The following TWF1 variants were observed in gnomAD, a reference collection of about 807,000 sequenced individuals.
TWF1 encodes the protein twinfilin-1.
A neutral mutation model predicts 47.9 loss-of-function variants in TWF1; 14 were observed. That is an observed-to-expected ratio of 0.29 (90% confidence interval 0.19 to 0.46). The LOEUF (loss-of-function observed/expected upper bound fraction) is 0.46. Among genes scored for constraint, TWF1 ranks in the 20% least tolerant of loss-of-function variants. The pLI, the probability that TWF1 is intolerant of heterozygous loss-of-function variation, is 1.00. For synonymous variants in TWF1, 96 were observed against 139.2 expected (o/e 0.69, Z 2.18); for missense variants, 281 against 409.3 (o/e 0.69, Z 2.70).
intron 2 of TWF1, among the ~76,000 whole-genome samples, chr12:43,804,000 T>C (rs1337590041): frequency 6.6e-6 from 1 of 152,140 alleles, no homozygotes; most frequent in African/African-American, 2.4e-5. Context: ...AAAGAATCAA[T>C]TTGTAGTTTG....
intron 4 of TWF1, among the ~76,000 whole-genome samples, chr12:43,800,193 A>G (rs1351471549): frequency 6.6e-6 from 1 of 152,208 alleles, no homozygotes; most frequent in Non-Finnish European, 1.5e-5. Flanking sequence ...TATATTTACC[A>G]TATACTTTAG....
chr12:43,802,506 G>A (rs755898467), intron 2 of TWF1, 42 bp from the exon 3 acceptor site: 2 of 1,416,470 alleles, frequency 1.4e-6, no homozygotes, highest in Non-Finnish European at 2.0e-6. Flanking sequence ...AATGGTTTGA[G>A]ATATCAAGTG....
intron 4 of TWF1, among the ~76,000 whole-genome samples, chr12:43,800,106 C>T (rs894382692): frequency 1.3e-5 from 2 of 151,968 alleles, no homozygotes; most frequent in African/African-American, 4.8e-5. Flanking sequence ...CTTTCTGAAT[C>T]AGAAAAGCTC....
At position 43,801,022 on chromosome 12, in the gene TWF1, G is replaced by C. The variant is rs1039169580; in HGVS notation, c.283-492C>G. ...TCGCCTCGGCTTCCCAAAGTTTAGGGATTACAGGCATGAGCCACCGTGCCT... is the reference window on the plus strand; with the variant it reads ...TCGCCTCGGCTTCCCAAAGTTTAGGCATTACAGGCATGAGCCACCGTGCCT... On this transcript the variant is annotated intron_variant, in intron 3 of 8. Transcript: ENST00000395510. Among the ~76,000 whole-genome samples, 7 of 152,030 alleles carry C rather than the reference G, an allele frequency of 4.6e-5. No homozygotes were observed. The East Asian group carries it at 1.3e-3, about 29-fold the overall frequency.
rs17093734 is a variant in TWF1 at position 43,800,462 on chromosome 12, A to G, written c.351T>C (p.Ile117=). 36,517 of 1,613,336 alleles carry G rather than the reference A, an allele frequency of 0.023. 692 individuals are homozygous for G. The highest frequency in any genetic ancestry group is 0.068 in the South Asian group (6,150 of 91,036). ...TLKKEFGGGH[I]KDEVFGTVKE... is the part of the protein sequence containing the mutation. Reference sequence around the variant, plus strand: ...TTACTGTTCCAAATACTTCATCTTTAATGTGGCCACCTCCAAATTCCTTCT... The same window carrying G: ...TTACTGTTCCAAATACTTCATCTTTGATGTGGCCACCTCCAAATTCCTTCT... Residue 117 remains isoleucine, a synonymous_variant, in exon 4 of 9, where the codon ATT becomes ATC. Coordinates refer to ENST00000395510, the MANE Select transcript of TWF1 (RefSeq NM_002822.5).
At chr12:43,797,512 C>T in intron 6 of TWF1, 60 bp from the exon 7 acceptor site, 4 of 1,426,492 alleles carry the variant, frequency 2.8e-6, no homozygotes, top group Non-Finnish European at 2.8e-6. Context: ...TAAGTTAAAA[C>T]ATATAATAAA....
At chr12:43,798,244 A>G (rs1309050623) in intron 5 of TWF1, among the ~76,000 whole-genome samples, 1 of 152,182 alleles carries the variant, frequency 6.6e-6, no homozygotes, top group East Asian at 1.9e-4. Context: ...AACATCATGC[A>G]CTGAATTGAA....
chr12:43,805,971 A>G (rs1942757429), intron 1 of TWF1: 1 of 1,545,112 alleles, frequency 6.5e-7, no homozygotes. Flanking sequence ...TCGAAAGCCA[A>G]TTTCCTTCGC....
chr12:43,796,533 C>A (rs1942553577), intron 8 of TWF1, among the ~76,000 whole-genome samples: 1 of 152,082 alleles, frequency 6.6e-6, no homozygotes, highest in African/African-American at 2.4e-5. Context: ...CCAACCATCC[C>A]ATAATTCAGT....
chr12:43,793,910 C>T lies in TWF1; in HGVS notation c.*1675G>A, dbSNP rs1248709566. ...CTATAACAAATGCATCACTGATTTTCAGCAATCATTGGTTTAATAATAATT... is the reference window on the plus strand; with the variant it reads ...CTATAACAAATGCATCACTGATTTTTAGCAATCATTGGTTTAATAATAATT... On this transcript the variant is annotated 3_prime_UTR_variant, in exon 9 of 9. Coordinates refer to ENST00000395510, the MANE Select transcript of TWF1 (RefSeq NM_002822.5). The T allele has an allele frequency of 6.6e-6, 1 of 152,614 alleles. No homozygotes were observed. The highest frequency in any genetic ancestry group is 6.5e-5 in the Admixed American group (1 of 15,282). The allele number at this position is 152,614 out of a possible 1,614,324, so 9.5% of individuals were successfully genotyped here.
rs1176266124 is a variant in TWF1, at chr12:43,795,474, A to G, written c.*111T>C. 1.8e-6 allele frequency: 2 copies of G among 1,109,624 alleles called. No homozygotes were observed. Among genetic ancestry groups the G allele is most frequent in the Admixed American group, 5.4e-5 (2 of 36,788 alleles). The allele number at this position is 1,109,624 out of a possible 1,614,324, so 68.7% of individuals were successfully genotyped here. ...CAGAAGTGAAAAGTGCTATTTTCCA[A>G]AAAGTACAATTTTTTTCCCTACTTT... On this transcript the variant is annotated 3_prime_UTR_variant, in exon 9 of 9. Coordinates refer to ENST00000395510, the MANE Select transcript of TWF1 (RefSeq NM_002822.5).
chr12:43,797,680 C>G (rs1942578961), intron 6 of TWF1, 28 bp downstream of exon 6: 2 of 1,603,410 alleles, frequency 1.2e-6, no homozygotes, highest in Non-Finnish European at 1.7e-6. Flanking sequence ...AAAGAGCAGC[C>G]ACTTAATAAT....
intron 2 of TWF1, among the ~76,000 whole-genome samples, chr12:43,803,924 T>G (rs1201046469): frequency 1.3e-4 from 20 of 152,094 alleles, no homozygotes; most frequent in Admixed American, 1.3e-3. Flanking sequence ...ATTGTTCAAA[T>G]TCAAATCTGC....
chr12:43,801,395 G>A (rs1396347784), intron 3 of TWF1, among the ~76,000 whole-genome samples: 2 of 152,062 alleles, frequency 1.3e-5, no homozygotes, highest in East Asian at 3.8e-4. Context: ...AGAACATGGG[G>A]AATTAAAGAG....
intron 8 of TWF1, among the ~76,000 whole-genome samples, chr12:43,796,527 C>T (rs1565698702): frequency 6.6e-6 from 1 of 152,120 alleles, no homozygotes. Context: ...AGACTCCCAA[C>T]CATCCCATAA....
Position 43,806,208 on chromosome 12 carries a change from C to T in TWF1, c.25+13G>A. 6.5e-7 allele frequency: 1 copy of T among 1,540,162 alleles called. No homozygotes were observed. The highest frequency in any genetic ancestry group is 8.7e-7 in the Non-Finnish European group (1 of 1,144,494). ...GAAGCCCCTTCCCTGCGAGTCGCGC[C>T]GGGCGCTGTTACCTTGGATGCCGGT... On this transcript the variant is annotated intron_variant, in intron 1 of 8. Transcript: ENST00000395510.
intron 2 of TWF1, among the ~76,000 whole-genome samples, chr12:43,803,751 G>A (rs1942704794): frequency 6.6e-6 from 1 of 151,870 alleles, no homozygotes; most frequent in Admixed American, 6.6e-5. Flanking sequence ...AAACTATTCT[G>A]GTATTTTTTA....
At chr12:43,806,172 C>G in intron 1 of TWF1, 49 bp downstream of exon 1, 1 of 1,537,364 alleles carries the variant, frequency 6.5e-7, no homozygotes, top group Non-Finnish European at 8.7e-7. Context: ...CCGGCTCTCC[C>G]GGCTCTCCCG....
At chr12:43,796,277 C>G (rs1565698604) in intron 8 of TWF1, among the ~76,000 whole-genome samples, 2 of 152,078 alleles carry the variant, frequency 1.3e-5, no homozygotes, top group African/African-American at 4.8e-5. Flanking sequence ...CTGATCCCTG[C>G]TATAGAAGGT....
Sources: gnomAD v4.1 joint callset for allele counts (sites outside exome capture counted in the v4.1 genomes callset) on GRCh38, gnomAD v4.1.1 for gene constraint, MANE v1.5 for transcripts, NCBI Gene and HGNC (gene_info 2026-07-23, HGNC 2026-07-21) for gene names.